RBFOX1: variants seen among roughly 807,000 people sequenced by gnomAD.
The protein encoded by RBFOX1 is RNA binding protein fox-1 homolog 1.
RBFOX1 carries 8 observed loss-of-function variants against 57.7 expected under a neutral mutation model. The ratio of observed to expected loss-of-function variants is 0.14; its 90% confidence interval spans 0.08 to 0.25. RBFOX1 has a LOEUF of 0.25. Among genes scored for constraint, RBFOX1 ranks in the 10% least tolerant of loss-of-function variants. RBFOX1 has a pLI of 1.00. For synonymous variants in RBFOX1, 326 were observed against 222.4 expected (o/e 1.47, Z -4.15); for missense variants, 611 against 548.5 (o/e 1.11, Z -1.14).
intron 3 of RBFOX1, among the ~76,000 whole-genome samples, chr16:6,965,864 G>C (rs552640630): frequency 6.7e-6 from 1 of 148,742 alleles, no homozygotes; most frequent in African/African-American, 2.5e-5. Context: ...AGGAAACTGA[G>C]GCATGGGGGG....
intron 3 of RBFOX1, among the ~76,000 whole-genome samples, chr16:6,770,371 G>T (rs1031384631): frequency 1.3e-5 from 2 of 152,056 alleles, no homozygotes; most frequent in Admixed American, 1.3e-4. Flanking sequence ...CAGCCTGTGG[G>T]CCACATTTAC....
chr16:5,893,831 C>G (rs921001722), intron 4 of RBFOX1, among the ~76,000 whole-genome samples: 1 of 151,828 alleles, frequency 6.6e-6, no homozygotes, highest in African/African-American at 2.4e-5. Flanking sequence ...TCATGTAACC[C>G]ATAAATATAT....
intron 3 of RBFOX1, among the ~76,000 whole-genome samples, chr16:6,859,130 C>CACGT (rs1555536726): frequency 3.6e-5 from 3 of 82,472 alleles, no homozygotes; most frequent in African/African-American, 1.4e-4. Flanking sequence ...TATATATATA[C>CACGT]ATATATATAC....
intron 2 of RBFOX1, among the ~76,000 whole-genome samples, chr16:5,478,832 C>T (rs1567142998): frequency 6.6e-6 from 1 of 152,138 alleles, no homozygotes; most frequent in Non-Finnish European, 1.5e-5. Flanking sequence ...GCCCTACTCC[C>T]TCCCATGGGC....
Position 6,019,215 on chromosome 16 carries a change from C to A in RBFOX1, c.-904C>A. On this transcript the variant is annotated 5_prime_UTR_variant, in exon 1 of 16. Transcript: ENST00000550418. This position sits in a 1 kb window ranked among gnomAD's most constrained non-coding sequence, Gnocchi z 4.2. ...TCTCTCCCGCCCTCCTACAAGCGCT[C>A]TTGCTGGCCGTCTGGGTGCACACAC... 2.0e-6 allele frequency: 2 copies of A among 985,426 alleles called. No individual in the cohort carries two copies. The highest frequency in any genetic ancestry group is 2.4e-6 in the Non-Finnish European group (2 of 830,046). The allele number at this position is 985,426 out of a possible 1,614,324, so 61.0% of individuals were successfully genotyped here. A position where few individuals can be genotyped will look rare whatever the true frequency, so the allele number is the denominator to read the frequency against.
chr16:5,332,799 C>G (rs977862879), intron 1 of RBFOX1, among the ~76,000 whole-genome samples: 19 of 151,914 alleles, frequency 1.3e-4, no homozygotes, highest in Non-Finnish European at 2.6e-4. Context: ...TTATAATACA[C>G]ATTATTAAAT....
intron 4 of RBFOX1, among the ~76,000 whole-genome samples, chr16:7,196,976 G>A (rs976869104): frequency 2.0e-5 from 3 of 152,198 alleles, no homozygotes; most frequent in Non-Finnish European, 1.5e-5. Context: ...ATCTTTGCAC[G>A]CAAGTCTGGG....
intron 4 of RBFOX1, among the ~76,000 whole-genome samples, chr16:7,129,441 A>T (rs1349263471): frequency 6.6e-6 from 1 of 152,132 alleles, no homozygotes; most frequent in Non-Finnish European, 1.5e-5. Flanking sequence ...ATGGATAGAG[A>T]TCAGGTGACA....
chr16:7,630,607 G>A lies in RBFOX1; in HGVS notation c.681G>A (p.Thr227=), dbSNP rs200449428. The A allele has an allele frequency of 3.7e-6, 6 of 1,613,930 alleles. No homozygotes were observed. Among genetic ancestry groups the A allele is most frequent in the Admixed American group, 1.7e-5 (1 of 59,996 alleles). The part of the protein sequence containing the change: ...AVYSPEFYAG[T]VLLCQANQEG... ...ATCTCTCTCTCTCTTTCGTAGGCAC[G>A]GTCCTGTTGTGCCAGGCCAACCAGG... Residue 227 remains threonine (T), a synonymous_variant, in exon 11 of 16, where the codon ACG becomes ACA. Coordinates refer to ENST00000550418, the MANE Select transcript of RBFOX1 (RefSeq NM_018723.4).
At chr16:5,665,766 C>T (rs1297335025) in intron 3 of RBFOX1, among the ~76,000 whole-genome samples, 2 of 152,222 alleles carry the variant, frequency 1.3e-5, no homozygotes, top group African/African-American at 4.8e-5. Context: ...GTCCCTCAGG[C>T]CCTCACAGGG....
chr16:7,489,634 G>A (rs1201361754), intron 4 of RBFOX1, among the ~76,000 whole-genome samples: 1 of 151,926 alleles, frequency 6.6e-6, no homozygotes, highest in Non-Finnish European at 1.5e-5. Flanking sequence ...TCCAACGTCA[G>A]TCTCCCGAGT....
intron 3 of RBFOX1, among the ~76,000 whole-genome samples, chr16:5,622,620 C>T (rs1270735936): frequency 6.6e-6 from 1 of 152,222 alleles, no homozygotes; most frequent in Non-Finnish European, 1.5e-5. Flanking sequence ...TAGGCCAAAT[C>T]CGGCCCGATG....
chr16:6,246,604 G>A (rs2097570428), intron 1 of RBFOX1, among the ~76,000 whole-genome samples: 1 of 152,146 alleles, frequency 6.6e-6, no homozygotes, highest in Non-Finnish European at 1.5e-5. Flanking sequence ...GAAAAGGGGT[G>A]ATTCCACCAG....
chr16:7,081,464 G>C (rs994478190), intron 4 of RBFOX1, among the ~76,000 whole-genome samples: 5 of 152,204 alleles, frequency 3.3e-5, no homozygotes, highest in Non-Finnish European at 7.3e-5. Context: ...AAGGGAAGCT[G>C]TTCTTGGCTT....
chr16:7,177,345 C>T (rs546461504), intron 4 of RBFOX1, among the ~76,000 whole-genome samples: 1 of 152,236 alleles, frequency 6.6e-6, no homozygotes, highest in Admixed American at 6.5e-5. Flanking sequence ...ATGCAAGGAA[C>T]AAGTAGAGTT....
chr16:7,349,661 A>G (rs904565810), intron 4 of RBFOX1, among the ~76,000 whole-genome samples: 1 of 152,112 alleles, frequency 6.6e-6, no homozygotes, highest in Admixed American at 6.6e-5. Flanking sequence ...TTGGGTTCAG[A>G]AAGACGGATG....
At chr16:6,352,333 A>G (rs1421432483) in intron 2 of RBFOX1, among the ~76,000 whole-genome samples, 4 of 152,204 alleles carry the variant, frequency 2.6e-5, no homozygotes, top group Admixed American at 2.6e-4. Context: ...TACTTGACCC[A>G]TCATAGATAA....
At chr16:5,994,624 TACTCA>T (rs2060460862) in intron 4 of RBFOX1, among the ~76,000 whole-genome samples, 1 of 152,214 alleles carries the variant, frequency 6.6e-6, no homozygotes, top group Non-Finnish European at 1.5e-5. Flanking sequence ...CCATTGCAGC[TACTCA>T]ACTCTGCTCT....
intron 1 of RBFOX1, among the ~76,000 whole-genome samples, chr16:6,083,711 A>G (rs1322299534): frequency 1.3e-5 from 2 of 152,064 alleles, no homozygotes; most frequent in African/African-American, 4.8e-5. Context: ...TCCCAGGCTC[A>G]TGCGATCCTC....
Sources: allele counts gnomAD v4.1 joint callset (sites outside exome capture counted in the v4.1 genomes callset), GRCh38; gene constraint gnomAD v4.1.1; non-coding constraint Gnocchi (gnomAD v3.1); transcripts MANE v1.5; gene names NCBI Gene and HGNC (gene_info 2026-07-23, HGNC 2026-07-21).